The following SOCS4 variants were observed in gnomAD, a reference collection of about 807,000 sequenced individuals.
SOCS4 encodes suppressor of cytokine signaling 4.
In SOCS4, 20 loss-of-function variants were observed where a neutral mutation model predicts 34.1. The observed-to-expected ratio is 0.59, with a 90% CI of 0.41 to 0.85. The LOEUF (loss-of-function observed/expected upper bound fraction) is 0.85, where lower values mean the gene tolerates loss of function less well. Ranked by LOEUF, SOCS4 falls within the 40% of genes least tolerant of loss-of-function variation. The probability of loss-of-function intolerance (pLI) is 0.00; values close to 1 mark genes in which losing one functional copy is unlikely to be tolerated. For synonymous variants in SOCS4, 180 were observed against 186.4 expected (o/e 0.97, Z 0.28); for missense variants, 479 against 532.4 (o/e 0.90, Z 0.99).
chr14:55,034,814 C>A (rs1328916114), intron 2 of SOCS4, among the ~76,000 whole-genome samples: 2 of 146,144 alleles, frequency 1.4e-5, no homozygotes, highest in African/African-American at 2.5e-5. Flanking sequence ...AGTGAGACTT[C>A]ACCTCAAAAA....
Position 55,048,594 on chromosome 14 carries a change from T to C in SOCS4, c.*4230T>C, listed in dbSNP as rs1385988572. ...CAGTGCAAGAGTCTACCTGTACTAT[T>C]CTAATACAGTAAGATATTGGACACA... is the stretch of plus-strand genomic sequence containing the variant. On this transcript the variant is annotated 3_prime_UTR_variant, in exon 3 of 3. Transcript: ENST00000555846. 6.0e-6 allele frequency: 1 copy of C among 167,056 alleles called. No individual in the cohort carries two copies. The highest frequency in any genetic ancestry group is 1.5e-5 in the Non-Finnish European group (1 of 68,124). The allele number at this position is 167,056 out of a possible 1,614,324, so 10.3% of individuals were successfully genotyped here.
rs77911976 is a variant in SOCS4, at chr14:55,027,373, G to A, written c.-318G>A. ...AAGACCTACACGAGGTGCAGGAGTG[G>A]TTGGGCCTCCCCTCTCCACTTAAGC... On this transcript the variant is annotated 5_prime_UTR_variant, in exon 1 of 3. Transcript: ENST00000555846. 0.14 allele frequency: 22,306 copies of A among 160,054 alleles called. 1,764 individuals carry two copies. The highest frequency in any genetic ancestry group is 0.17 in the Non-Finnish European group (12,130 of 71,944). 9.9% of individuals were successfully genotyped at this position (160,054 alleles called of 1,614,324 possible).
intron 2 of SOCS4, among the ~76,000 whole-genome samples, chr14:55,038,663 C>T (rs1020932411): frequency 1.3e-5 from 2 of 152,188 alleles, no homozygotes; most frequent in African/African-American, 4.8e-5. Context: ...GTCCTGAGCC[C>T]ACCTAGTTCA....
rs902387368 is a variant in SOCS4 at position 55,047,461 on chromosome 14, T to C, written c.*3097T>C. 6.0e-6 allele frequency: 1 copy of C among 167,044 alleles called. No individual in the cohort carries two copies. The highest frequency in any genetic ancestry group is 1.5e-5 in the Non-Finnish European group (1 of 68,120). The allele number at this position is 167,044 out of a possible 1,614,324, so 10.3% of individuals were successfully genotyped here. On this transcript the variant is annotated 3_prime_UTR_variant, in exon 3 of 3. Transcript: ENST00000555846. ...TGTATAGAGTTATATGTGATCTTTC[T>C]ATAACCATGCCATTCACTTAAATAA... is the stretch of plus-strand genomic sequence containing the variant.
Position 55,043,184 on chromosome 14 carries a change from A to C in SOCS4, c.143A>C (p.Asp48Ala). ...SWSKKSESYS[D>A]AETVNGIEKT... ...TCAAAAAAGAGTGAGAGTTATTCAG[A>C]TGCTGAGACAGTGAATGGTATAGAG... The change falls in exon 3 of 3, where the codon GAT becomes GCT. Residue 48 changes from aspartate to alanine, a missense_variant. Coordinates refer to ENST00000555846, the MANE Select transcript of SOCS4 (RefSeq NM_199421.2). 1 of 1,614,270 alleles carries C rather than the reference A, an allele frequency of 6.2e-7. No homozygotes were observed. Among genetic ancestry groups the C allele is most frequent in the Non-Finnish European group, 8.5e-7 (1 of 1,180,054 alleles).
chr14:55,044,166 A>G lies in SOCS4; in HGVS notation c.1125A>G (p.Pro375=), dbSNP rs778512028. The change falls in exon 3 of 3, where the codon CCA becomes CCG. Residue 375 remains proline (P), a synonymous_variant. Coordinates refer to ENST00000555846, the MANE Select transcript of SOCS4 (RefSeq NM_199421.2). ...CAAGCGCCTGTATGTTCTTTGAACCACTTCTATCCACTCCCTTAATTCGGA... is the reference window on the plus strand; with the variant it reads ...CAAGCGCCTGTATGTTCTTTGAACCGCTTCTATCCACTCCCTTAATTCGGA... The part of the protein sequence containing the change: ...KDPSACMFFE[P]LLSTPLIRTF... 2.5e-6 allele frequency: 4 copies of G among 1,614,064 alleles called. No homozygotes were observed. Among genetic ancestry groups the G allele is most frequent in the Non-Finnish European group, 2.5e-6 (3 of 1,179,984 alleles).
rs2042690654 is a variant in SOCS4 at position 55,047,854 on chromosome 14, T to A, written c.*3490T>A. On this transcript the variant is annotated 3_prime_UTR_variant, in exon 3 of 3. Transcript: ENST00000555846. ...TAAATCCAGTTATCAGCTTCCTGTC[T>A]CTGAAGTTTGGATCATTTTATAGAT... 6.0e-6 allele frequency: 1 copy of A among 167,150 alleles called. No individual in the cohort carries two copies. The highest frequency in any genetic ancestry group is 1.5e-5 in the Non-Finnish European group (1 of 68,128). 10.4% of individuals were successfully genotyped at this position (167,150 alleles called of 1,614,324 possible). A position where few individuals can be genotyped will look rare whatever the true frequency, so the allele number is the denominator to read the frequency against.
chr14:55,040,523 T>G lies in SOCS4; in HGVS notation c.-90-2429T>G, dbSNP rs146880795. Among the ~76,000 whole-genome samples, 614 of 152,238 alleles carry G rather than the reference T, an allele frequency of 4.0e-3. 2 individuals carry two copies. Among genetic ancestry groups the G allele is most frequent in the Non-Finnish European group, 6.7e-3 (456 of 68,008 alleles). On this transcript the variant is annotated intron_variant, in intron 2 of 2. Coordinates refer to ENST00000555846, the MANE Select transcript of SOCS4 (RefSeq NM_199421.2). The stretch of plus-strand genomic sequence containing the variant: ...ACTTTGGGAGGTCCAGGCAGGCAGA[T>G]CACAAGGTCAGGAGATCGAGACCAT...
intron 2 of SOCS4, among the ~76,000 whole-genome samples, chr14:55,039,273 A>C (rs2042597493): frequency 6.6e-6 from 1 of 151,984 alleles, no homozygotes; most frequent in South Asian, 2.1e-4. Flanking sequence ...CTGTCTCTAC[A>C]AAAAAATTTT....
At chr14:55,039,539 A>G (rs1414699566) in intron 2 of SOCS4, among the ~76,000 whole-genome samples, 1 of 152,272 alleles carries the variant, frequency 6.6e-6, no homozygotes, top group Non-Finnish European at 1.5e-5. Flanking sequence ...TTTTGAAGGT[A>G]GCAAGAAGTT....
intron 2 of SOCS4, among the ~76,000 whole-genome samples, chr14:55,036,854 C>T (rs1016666164): frequency 7.9e-5 from 12 of 152,024 alleles, no homozygotes; most frequent in Non-Finnish European, 4.4e-5. Context: ...GTGGCTCACA[C>T]CTGAAAATCC....
Position 55,027,260 on chromosome 14 carries a change from G to A in SOCS4, c.-431G>A, listed in dbSNP as rs992430720. On this transcript the variant is annotated 5_prime_UTR_variant, in exon 1 of 3. Transcript: ENST00000555846. Reference sequence around the variant, plus strand: ...CACGGAAGTGGTGGCGGCGCCCAGGGAACCGGCGGAGGCGATGACCGTGAC... The same window carrying A: ...CACGGAAGTGGTGGCGGCGCCCAGGAAACCGGCGGAGGCGATGACCGTGAC... The A allele has an allele frequency of 6.1e-5, 12 of 196,380 alleles. No individual in the cohort carries two copies. The highest frequency in any genetic ancestry group is 5.3e-4 in the Admixed American group (10 of 18,862). The allele number at this position is 196,380 out of a possible 1,614,324, so 12.2% of individuals were successfully genotyped here.
intron 1 of SOCS4, 39 bp from the exon 2 acceptor site, chr14:55,031,820 TACAA>T (rs2042531367): frequency 6.6e-6 from 1 of 152,240 alleles, no homozygotes; most frequent in Admixed American, 6.5e-5. Context: ...TATTTTCCCA[TACAA>T]ACAAACCTGT....
intron 2 of SOCS4, among the ~76,000 whole-genome samples, chr14:55,035,384 T>G (rs2042563726): frequency 6.6e-6 from 1 of 152,192 alleles, no homozygotes; most frequent in South Asian, 2.1e-4. Flanking sequence ...GGGGAAGATG[T>G]CAAATTTTTC....
At position 55,043,714 on chromosome 14, in the gene SOCS4, GAT is replaced by G. The variant is rs1264023111; in HGVS notation, c.675_676del (p.Asp225GlufsTer2). 6.2e-7 allele frequency: 1 copy of G among 1,614,138 alleles called. No individual in the cohort carries two copies. The highest frequency in any genetic ancestry group is 8.5e-7 in the Non-Finnish European group (1 of 1,180,004). On this transcript the variant is annotated frameshift_variant, in exon 3 of 3. Transcript: ENST00000555846. LOFTEE classifies it high-confidence loss of function. ...CCTGGTTTCAAATAACAGTATAGAA[GAT>G]AGTGATATGGATTCCGATGATGAAA... ...MNLVSNNSIE[D>X]SDMDSDDEIL...
chr14:55,032,783 G>A (rs1231737658), intron 2 of SOCS4, among the ~76,000 whole-genome samples: 1 of 151,468 alleles, frequency 6.6e-6, no homozygotes, highest in Non-Finnish European at 1.5e-5. Context: ...TCTACCTCAT[G>A]TATACAAAGT....
At chr14:55,036,364 A>G (rs2042572332) in intron 2 of SOCS4, among the ~76,000 whole-genome samples, 1 of 145,398 alleles carries the variant, frequency 6.9e-6, no homozygotes, top group Non-Finnish European at 1.5e-5. Flanking sequence ...TTTTTTTGAG[A>G]TGAAGTCTCA....
Position 55,043,724 on chromosome 14 carries a change from T to G in SOCS4, c.683T>G (p.Met228Arg), listed in dbSNP as rs143801578. Residue 228 changes from methionine (M) to arginine (R), a missense_variant, in exon 3 of 3, where the codon ATG (methionine) becomes AGG (arginine). By Grantham distance (91) the Met-to-Arg change is moderately conservative. Transcript: ENST00000555846. ...VSNNSIEDSD[M>R]DSDDEILTLC... ...AATAACAGTATAGAAGATAGTGATA[T>G]GGATTCCGATGATGAAATTCTAACA... 2 of 1,614,172 alleles carry G rather than the reference T, an allele frequency of 1.2e-6. No individual in the cohort carries two copies. The highest frequency in any genetic ancestry group is 1.1e-5 in the South Asian group (1 of 91,074).
At chr14:55,042,901 C>T in intron 2 of SOCS4, 51 bp from the exon 3 acceptor site, 1 of 710,624 alleles carries the variant, frequency 1.4e-6, no homozygotes, top group Admixed American at 3.0e-5. Flanking sequence ...AATATGTAAA[C>T]TAGACAAGGT....
Sources: allele counts gnomAD v4.1 joint callset (sites outside exome capture counted in the v4.1 genomes callset), GRCh38; gene constraint gnomAD v4.1.1; transcripts MANE v1.5; gene names NCBI Gene and HGNC (gene_info 2026-07-23, HGNC 2026-07-21).